The following RABL6 variants were observed in gnomAD, a reference collection of about 807,000 sequenced individuals.
The protein encoded by RABL6 is RAB, member RAS oncogene family like 6.
RABL6 carries 28 observed loss-of-function variants against 72.9 expected under a neutral mutation model. The observed-to-expected ratio is 0.38, with a 90% CI of 0.28 to 0.53. RABL6 has a LOEUF of 0.53. Ranked by LOEUF, RABL6 falls within the 20% of genes least tolerant of loss-of-function variation. The probability of loss-of-function intolerance (pLI) is 0.80; values close to 1 mark genes in which losing one functional copy is unlikely to be tolerated. For missense variants in RABL6, 1,029 were observed against 1,008.4 expected, an observed-to-expected ratio of 1.02 and a Z score of -0.28; for synonymous variants, 477 against 421.2, an observed-to-expected ratio of 1.13 and a Z score of -1.62.
rs1354591831 is a variant in RABL6, at chr9:136,833,806, C to G, written c.705+1436C>G. ...GGATGCCTGCAGGCTGGGACTGCTG[C>G]TGGGGACGTTTGGGTTGGAAGGAAG... On this transcript the variant is annotated intron_variant, in intron 7 of 14. Transcript: ENST00000311502. The G allele has an allele frequency of 5.8e-6, 9 of 1,550,410 alleles. No individual in the cohort carries two copies. In the Admixed American group the frequency reaches 1.8e-4, roughly 30 times the overall value.
intron 2 of RABL6, among the ~76,000 whole-genome samples, chr9:136,825,110 G>C (rs1848324624): frequency 6.6e-6 from 1 of 152,210 alleles, no homozygotes; most frequent in South Asian, 2.1e-4. Flanking sequence ...AGGAGGAGTG[G>C]TTGGCACCAG....
chr9:136,819,342 A>AG (rs1290136149), intron 1 of RABL6, among the ~76,000 whole-genome samples: 3 of 151,308 alleles, frequency 2.0e-5, no homozygotes, highest in African/African-American at 7.3e-5. Flanking sequence ...AAAAAAAAAA[A>AG]AGAAAACCAC....
In RABL6 at chr9:136,831,715, T is replaced by C. The variant is rs1317611613; in HGVS notation, c.459-6T>C. The C allele has an allele frequency of 3.1e-6, 5 of 1,613,052 alleles. No individual in the cohort carries two copies. Among genetic ancestry groups the C allele is most frequent in the East Asian group, 4.5e-5 (2 of 44,876 alleles). Reference sequence around the variant, plus strand: ...AACTAAGCCAGGTCCTCACCTGTTCTCCGAGGACCTTCAATTACATTCTCC... The same window carrying C: ...AACTAAGCCAGGTCCTCACCTGTTCCCCGAGGACCTTCAATTACATTCTCC... On this transcript the variant is annotated splice_region_variant and splice_polypyrimidine_tract_variant and intron_variant, in intron 5 of 14. Transcript: ENST00000311502.
chr9:136,827,164 A>G (rs1564365752), intron 3 of RABL6: 1 of 152,156 alleles, frequency 6.6e-6, no homozygotes, highest in Non-Finnish European at 1.5e-5. Context: ...CTCAGGAGGA[A>G]AAGGTCCCCA....
intron 9 of RABL6, 65 bp downstream of exon 9, chr9:136,837,727 T>A: frequency 6.5e-7 from 1 of 1,545,776 alleles, no homozygotes; most frequent in Non-Finnish European, 8.7e-7. Context: ...GGTGGGGTCC[T>A]GGATTTCGGA....
chr9:136,836,235 A>G (rs1848582569), intron 8 of RABL6: 2 of 196,076 alleles, frequency 1.0e-5, no homozygotes, highest in South Asian at 1.9e-4. Flanking sequence ...GAAGAGGCAT[A>G]CAGGCCAGGA....
At chr9:136,831,928 A>C in intron 6 of RABL6, 67 bp downstream of exon 6, 1 of 1,527,814 alleles carries the variant, frequency 6.5e-7, no homozygotes, top group African/African-American at 1.4e-5. Context: ...GAGGGTGCTG[A>C]GGCAGAGGCC....
At chr9:136,836,216 C>T (rs1311260849) in intron 8 of RABL6, 1 of 218,372 alleles carries the variant, frequency 4.6e-6, no homozygotes, top group Non-Finnish European at 9.2e-6. Flanking sequence ...TTGGGAAGCT[C>T]CCTGTGTTGA....
chr9:136,825,287 C>T (rs993819679), intron 2 of RABL6, among the ~76,000 whole-genome samples: 2 of 152,254 alleles, frequency 1.3e-5, no homozygotes, highest in African/African-American at 2.4e-5. Flanking sequence ...GTGACACAGG[C>T]GGGCCCATTC....
At chr9:136,831,283 G>A (rs890344137) in intron 5 of RABL6, among the ~76,000 whole-genome samples, 5 of 152,218 alleles carry the variant, frequency 3.3e-5, no homozygotes, top group African/African-American at 4.8e-5. Flanking sequence ...ACCGGCAGCC[G>A]CAGAGGCACC....
Position 136,813,312 on chromosome 9 carries a change from G to A in RABL6, c.130+4986G>A. Reference sequence around the variant, plus strand: ...CACACCCTTTAGATTTGCCATTTTGGTTCTGGGGCACTTTGATAAAAGTTG... The same window carrying A: ...CACACCCTTTAGATTTGCCATTTTGATTCTGGGGCACTTTGATAAAAGTTG... On this transcript the variant is annotated intron_variant, in intron 1 of 14. Transcript: ENST00000311502. 1.2e-5 allele frequency: 8 copies of A among 650,134 alleles called. No homozygotes were observed. The South Asian group carries it at 1.3e-4, about 10-fold the overall frequency. 40.3% of individuals were successfully genotyped at this position (650,134 alleles called of 1,614,324 possible). A position where few individuals can be genotyped will look rare whatever the true frequency, so the allele number is the denominator to read the frequency against.
intron 7 of RABL6, chr9:136,833,876 CTCCTTCCTGCAGAGCCGTCCCCTCA>C (rs1374540952): frequency 5.8e-6 from 9 of 1,550,442 alleles, no homozygotes; most frequent in Non-Finnish European, 7.8e-6. Flanking sequence ...GGGGAGGCCC[CTCCTTCCTGCAGAGCCGTCCCCTCA>C]TCACTGGGTT....
In RABL6 at chr9:136,828,248, C is replaced by G. The variant is rs1387767800; in HGVS notation, c.314-246C>G. The G allele has an allele frequency of 7.9e-6, 4 of 508,608 alleles. No homozygotes were observed. In the East Asian group the frequency reaches 1.0e-4, roughly 13 times the overall value. The allele number at this position is 508,608 out of a possible 1,614,324, so 31.5% of individuals were successfully genotyped here. A position where few individuals can be genotyped will look rare whatever the true frequency, so the allele number is the denominator to read the frequency against. ...GCAGCCTGTCCAGGAGCTGCTGAGC[C>G]TGTCAGCCCCAACTAGCACCTCCTG... On this transcript the variant is annotated intron_variant, in intron 3 of 14. Coordinates refer to ENST00000311502, the MANE Select transcript of RABL6 (RefSeq NM_024718.5).
At chr9:136,824,840 C>T (rs562099282) in intron 2 of RABL6, among the ~76,000 whole-genome samples, 2 of 152,170 alleles carry the variant, frequency 1.3e-5, no homozygotes, top group African/African-American at 4.8e-5. Context: ...CCCACAGGGC[C>T]GGCGCACAGA....
Sources: allele counts gnomAD v4.1 joint callset (sites outside exome capture counted in the v4.1 genomes callset), GRCh38; gene constraint gnomAD v4.1.1; transcripts MANE v1.5; gene names NCBI Gene and HGNC (gene_info 2026-07-23, HGNC 2026-07-21).